Variants in ADAMTS3 observed in about 807,000 individuals in gnomAD.
ADAMTS3 encodes the protein A disintegrin and metalloproteinase with thrombospondin motifs 3.
In ADAMTS3, 73 loss-of-function variants were observed where a neutral mutation model predicts 129.0. That is an observed-to-expected ratio of 0.57 (90% confidence interval 0.47 to 0.69). The LOEUF is 0.69. ADAMTS3 is among the 30% of genes least tolerant of loss of function. ADAMTS3 has a pLI of 0.00. For missense variants in ADAMTS3, 1,457 were observed against 1,514.5 expected, an observed-to-expected ratio of 0.96 and a Z score of 0.63; for synonymous variants, 477 against 510.8, an observed-to-expected ratio of 0.93 and a Z score of 0.89.
chr4:72,373,271 C>T (rs903880820), intron 4 of ADAMTS3, among the ~76,000 whole-genome samples: 6 of 152,066 alleles, frequency 3.9e-5, no homozygotes, highest in Non-Finnish European at 7.4e-5. Context: ...ACAGAAGAGA[C>T]GGAGTCCAGA....
intron 10 of ADAMTS3, 49 bp from the exon 11 acceptor site, chr4:72,316,020 A>C (rs1719387083): frequency 8.6e-7 from 1 of 1,156,374 alleles, no homozygotes; most frequent in African/African-American, 1.6e-5. Flanking sequence ...CTAGCATGAC[A>C]TGCACCAAAA....
chr4:72,429,173 T>A (rs1722638547), intron 3 of ADAMTS3, among the ~76,000 whole-genome samples: 1 of 152,130 alleles, frequency 6.6e-6, no homozygotes, highest in Admixed American at 6.6e-5. Context: ...AACTTTTGGA[T>A]GTTTATTCTT....
intron 3 of ADAMTS3, among the ~76,000 whole-genome samples, chr4:72,479,566 C>T (rs4290867): frequency 0.86 from 128,698 of 149,586 alleles, 56,999 homozygotes; most frequent in East Asian, 1. Flanking sequence ...AAGACTTAAA[C>T]GTTAGACCTA....
At chr4:72,556,373 G>A (rs2109799622) in intron 2 of ADAMTS3, among the ~76,000 whole-genome samples, 1 of 151,790 alleles carries the variant, frequency 6.6e-6, no homozygotes, top group African/African-American at 2.4e-5. Flanking sequence ...ATATCCCCTA[G>A]GGGATACCAG....
At chr4:72,430,460 T>A (rs1055718151) in intron 3 of ADAMTS3, among the ~76,000 whole-genome samples, 6 of 151,938 alleles carry the variant, frequency 3.9e-5, no homozygotes, top group African/African-American at 1.4e-4. Flanking sequence ...ACCAGACATG[T>A]GAATGAAGAA....
chr4:72,393,927 A>C (rs1247417415), intron 4 of ADAMTS3, among the ~76,000 whole-genome samples: 1 of 152,248 alleles, frequency 6.6e-6, no homozygotes, highest in Non-Finnish European at 1.5e-5. Flanking sequence ...AGCTGTACTC[A>C]TGCAAAGGAC....
intron 2 of ADAMTS3, among the ~76,000 whole-genome samples, chr4:72,555,726 T>C (rs372418740): frequency 1.3e-5 from 2 of 151,714 alleles, no homozygotes; most frequent in African/African-American, 4.9e-5. Context: ...TCATGTCAAA[T>C]TGTAATCTCC....
chr4:72,402,096 C>T (rs764313305), intron 4 of ADAMTS3, among the ~76,000 whole-genome samples: 1 of 152,164 alleles, frequency 6.6e-6, no homozygotes, highest in Non-Finnish European at 1.5e-5. Flanking sequence ...TTTCACCATA[C>T]TATCACCATT....
chr4:72,333,421 C>A (rs1362000825), intron 5 of ADAMTS3, among the ~76,000 whole-genome samples: 6 of 152,166 alleles, frequency 3.9e-5, no homozygotes, highest in Non-Finnish European at 5.9e-5. Context: ...GATTCAATAG[C>A]AAATCCTACT....
intron 3 of ADAMTS3, among the ~76,000 whole-genome samples, chr4:72,511,771 A>G (rs1720321440): frequency 6.6e-6 from 1 of 152,212 alleles, no homozygotes; most frequent in Non-Finnish European, 1.5e-5. Context: ...GTATATACCC[A>G]AAAGAAAGGC....
At chr4:72,418,751 C>A (rs184718846) in intron 3 of ADAMTS3, among the ~76,000 whole-genome samples, 3 of 152,312 alleles carry the variant, frequency 2.0e-5, no homozygotes, top group Non-Finnish European at 1.5e-5. Context: ...GAAGTCTCAA[C>A]CTCCAAAAAG....
rs527953207 is a variant in ADAMTS3, at chr4:72,477,527, G to A, written c.505-62556C>T. Among the ~76,000 whole-genome samples, 15 of 152,048 alleles carry A rather than the reference G, an allele frequency of 9.9e-5. No homozygotes were observed. In the East Asian group the frequency reaches 1.9e-3, roughly 20 times the overall value. On this transcript the variant is annotated intron_variant, in intron 3 of 21. Transcript: ENST00000286657. ...AGACACAACATACCAGAATCTCTGG[G>A]ACACACTCAAAGCAGTGTGTAGAGG...
At chr4:72,434,174 C>G (rs1432951112) in intron 3 of ADAMTS3, among the ~76,000 whole-genome samples, 1 of 151,742 alleles carries the variant, frequency 6.6e-6, no homozygotes. Context: ...GAGCTCCCCC[C>G]CACCAAGAGA....
intron 15 of ADAMTS3, 24 bp from the exon 16 acceptor site, chr4:72,306,091 T>C (rs763257843): frequency 2.6e-6 from 4 of 1,560,934 alleles, no homozygotes; most frequent in Non-Finnish European, 3.5e-6. Context: ...GTAAATATTG[T>C]AGGAAGCAAA....
At chr4:72,430,734 A>G (rs1722676817) in intron 3 of ADAMTS3, among the ~76,000 whole-genome samples, 1 of 151,836 alleles carries the variant, frequency 6.6e-6, no homozygotes, top group African/African-American at 2.4e-5. Flanking sequence ...TAAATAAAGG[A>G]AAAAAACCAT....
intron 15 of ADAMTS3, 101 bp from the exon 16 acceptor site, chr4:72,306,168 G>T: frequency 1.3e-6 from 1 of 741,196 alleles, no homozygotes; most frequent in Non-Finnish European, 2.1e-6. Context: ...GCGTGCAGAA[G>T]AGGGCATCCA....
At chr4:72,476,683 T>C (rs765663099) in intron 3 of ADAMTS3, among the ~76,000 whole-genome samples, 1 of 151,898 alleles carries the variant, frequency 6.6e-6, no homozygotes, top group East Asian at 1.9e-4. Context: ...GGGAGGGTGA[T>C]GAAAGAAAGA....
chr4:72,471,252 A>G (rs958577958), intron 3 of ADAMTS3, among the ~76,000 whole-genome samples: 1 of 152,116 alleles, frequency 6.6e-6, no homozygotes, highest in African/African-American at 2.4e-5. Context: ...AGCTTAACAG[A>G]CTCTCAACAT....
intron 3 of ADAMTS3, among the ~76,000 whole-genome samples, chr4:72,512,335 T>C (rs1720338475): frequency 6.6e-6 from 1 of 151,732 alleles, no homozygotes; most frequent in East Asian, 1.9e-4. Context: ...CTACTAAAAA[T>C]ACAAAAACTA....
Sources: allele counts gnomAD v4.1 joint callset (sites outside exome capture counted in the v4.1 genomes callset), GRCh38; gene constraint gnomAD v4.1.1; transcripts MANE v1.5; gene names NCBI Gene and HGNC (gene_info 2026-07-23, HGNC 2026-07-21).